Variants in CFTR observed in about 807,000 individuals in gnomAD.
CFTR encodes the protein CF transmembrane conductance regulator.
CFTR carries 181 observed loss-of-function variants against 171.6 expected under a neutral mutation model. The ratio of observed to expected loss-of-function variants is 1.05; its 90% CI spans 0.93 to 1.19. The LOEUF (loss-of-function observed/expected upper bound fraction) is 1.19. Among genes scored for constraint, CFTR ranks in the 50% most tolerant of loss-of-function variants. The pLI, the probability that CFTR is intolerant of heterozygous loss-of-function variation, is 0.00. For synonymous variants in CFTR, 583 were observed against 608.0 expected, an observed-to-expected ratio of 0.96 and a Z score of 0.60; for missense variants, 1,968 against 1,734.7, an observed-to-expected ratio of 1.13 and a Z score of -2.39.
intron 14 of CFTR, among the ~76,000 whole-genome samples, chr7:117,594,156 G>C (rs1792082486): frequency 6.6e-6 from 1 of 152,154 alleles, no homozygotes; most frequent in Non-Finnish European, 1.5e-5. Flanking sequence ...CTCCTAGGAT[G>C]TTAATGGTGG....
Position 117,592,434 on chromosome 7 carries a change from G to A in CFTR, c.2267G>A (p.Ser756Asn). The change falls in exon 14 of 27, where the codon AGC becomes AAC. Residue 756 changes from serine to asparagine, a missense_variant. Transcript: ENST00000003084. ...EAILPRISVI[S>N]TGPTLQARRR... The stretch of plus-strand genomic sequence containing the variant: ...ATACTGCCTCGCATCAGCGTGATCA[G>A]CACTGGCCCCACGCTTCAGGCACGA... 1.2e-6 allele frequency: 2 copies of A among 1,605,434 alleles called. No individual in the cohort carries two copies. Among genetic ancestry groups the A allele is most frequent in the South Asian group, 1.1e-5 (1 of 89,818 alleles).
At chr7:117,482,895 C>T (rs1162966721) in intron 1 of CFTR, among the ~76,000 whole-genome samples, 1 of 152,174 alleles carries the variant, frequency 6.6e-6, no homozygotes, top group Non-Finnish European at 1.5e-5. Flanking sequence ...ATGTCTAGGT[C>T]TATACTGAGG....
At position 117,668,548 on chromosome 7, in the gene CFTR, G is replaced by A. The variant is rs1418411597; in HGVS notation, c.*1440G>A. The A allele has an allele frequency of 6.6e-6, 1 of 152,612 alleles. No individual in the cohort carries two copies. Among genetic ancestry groups the A allele is most frequent in the Non-Finnish European group, 1.5e-5 (1 of 68,044 alleles). 9.5% of individuals were successfully genotyped at this position (152,612 alleles called of 1,614,324 possible). On this transcript the variant is annotated 3_prime_UTR_variant, in exon 27 of 27. Transcript: ENST00000003084. ...AGAAGATGGTACCACCAGTCTGACT[G>A]TTTCCATCAAGGGTACACTGCCTTC...
intron 11 of CFTR, among the ~76,000 whole-genome samples, chr7:117,585,594 T>A (rs1791917972): frequency 6.6e-6 from 1 of 152,150 alleles, no homozygotes; most frequent in Non-Finnish European, 1.5e-5. Context: ...AACCATTCTC[T>A]TCATTCTCTT....
At chr7:117,535,120 T>C (rs1276965248) in intron 5 of CFTR, 128 bp from the exon 6 acceptor site, 1 of 926,886 alleles carries the variant, frequency 1.1e-6, no homozygotes, top group South Asian at 1.3e-5. Context: ...TAGATTTTAG[T>C]GTGCTCAGAA....
chr7:117,506,433 G>T (rs1453042756), intron 2 of CFTR, among the ~76,000 whole-genome samples: 1 of 152,106 alleles, frequency 6.6e-6, no homozygotes, highest in Admixed American at 6.6e-5. Context: ...TTTAGTAGAT[G>T]TGGAGTTTCG....
At chr7:117,570,326 T>C (rs1311083772) in intron 11 of CFTR, among the ~76,000 whole-genome samples, 6 of 152,164 alleles carry the variant, frequency 3.9e-5, no homozygotes, top group Non-Finnish European at 8.8e-5. Context: ...GCATTCTAGC[T>C]ATAGAAGAGT....
chr7:117,624,891 A>T (rs978425113), intron 21 of CFTR, among the ~76,000 whole-genome samples: 1 of 152,214 alleles, frequency 6.6e-6, no homozygotes, highest in Non-Finnish European at 1.5e-5. Context: ...TGAAACTTAA[A>T]TGATCAGAAT....
chr7:117,649,270 T>C (rs1793043149), intron 23 of CFTR, among the ~76,000 whole-genome samples: 1 of 149,500 alleles, frequency 6.7e-6, no homozygotes, highest in African/African-American at 2.5e-5. Context: ...AATAGAATTA[T>C]ACATGGGATG....
chr7:117,632,559 A>G (rs1792763800), intron 22 of CFTR, among the ~76,000 whole-genome samples: 1 of 138,380 alleles, frequency 7.2e-6, no homozygotes, highest in South Asian at 2.2e-4. Context: ...CACTGTCTCA[A>G]AAAAAAAAAA....
In CFTR at chr7:117,573,894, C is replaced by T. The variant is rs577822760; in HGVS notation, c.1585-13845C>T. 2.6e-5 allele frequency among the ~76,000 whole-genome samples: 4 copies of T among 152,170 alleles called. No homozygotes were observed. In the South Asian group the frequency reaches 8.3e-4, roughly 31 times the overall value. On this transcript the variant is annotated intron_variant, in intron 11 of 26. Transcript: ENST00000003084. ...AATTCCAATGAATGATTTCCCACAA[C>T]AATTTTTGTGGATAACTCCAAGGGA...
chr7:117,546,380 CT>C (rs1799147839), intron 9 of CFTR, among the ~76,000 whole-genome samples: 1 of 152,094 alleles, frequency 6.6e-6, no homozygotes, highest in Non-Finnish European at 1.5e-5. Flanking sequence ...AACAATCCTC[CT>C]GCCTCGGACA....
chr7:117,528,039 A>C (rs916776059), intron 3 of CFTR, among the ~76,000 whole-genome samples: 5 of 134,558 alleles, frequency 3.7e-5, no homozygotes, highest in African/African-American at 1.4e-4. Context: ...GGAACCAAAA[A>C]AGAGCCCGCA....
intron 23 of CFTR, among the ~76,000 whole-genome samples, chr7:117,645,521 CCAAGCCCTGTTGTTGCTACT>C (rs1792984811): frequency 6.6e-6 from 1 of 152,292 alleles, no homozygotes; most frequent in Non-Finnish European, 1.5e-5. Context: ...AGGCCAGCTC[CCAAGCCCTGTTGTTGCTACT>C]CCCCCACATC....
At chr7:117,507,091 T>C (rs546828378) in intron 2 of CFTR, among the ~76,000 whole-genome samples, 28 of 152,332 alleles carry the variant, frequency 1.8e-4, no homozygotes, top group African/African-American at 6.0e-4. Context: ...CGTTCCAAGA[T>C]TGTAGTCAGG....
Position 117,642,593 on chromosome 7 carries a change from G to A in CFTR, c.3873G>A (p.Gln1291=). The A allele has an allele frequency of 6.2e-7, 1 of 1,613,228 alleles. No individual in the cohort carries two copies. Among genetic ancestry groups the A allele is most frequent in the African/African-American group, 1.3e-5 (1 of 74,992 alleles). Residue 1291 remains glutamine, a splice_region_variant and synonymous_variant, in exon 23 of 27, where the codon CAG becomes CAA. Coordinates refer to ENST00000003084, the MANE Select transcript of CFTR (RefSeq NM_000492.4). ...QWRKAFGVIP[Q]KVFIFSGTFR... ...GGAAAGCCTTTGGAGTGATACCACA[G>A]GTGAGCAAAAGGACTTAGCCAGAAA...
At chr7:117,612,263 A>T (rs1792420357) in intron 20 of CFTR, among the ~76,000 whole-genome samples, 1 of 150,566 alleles carries the variant, frequency 6.6e-6, no homozygotes, top group Non-Finnish European at 1.5e-5. Context: ...ACACACACAG[A>T]GTTCCTCTTG....
At position 117,667,241 on chromosome 7, in the gene CFTR, T is replaced by A. The variant is rs4148726; in HGVS notation, c.*133T>A. 7.7e-4 allele frequency: 566 copies of A among 739,562 alleles called. 1 individual carries two copies. The highest frequency in any genetic ancestry group is 1.7e-3 in the African/African-American group (80 of 46,412). The allele number at this position is 739,562 out of a possible 1,614,324, so 45.8% of individuals were successfully genotyped here. ...AACAAGGATGAATTAAGTTTTTTTTTAAAAAAGAAACATTTGGTAAGGGGA... is the reference window on the plus strand; with the variant it reads ...AACAAGGATGAATTAAGTTTTTTTTAAAAAAAGAAACATTTGGTAAGGGGA... On this transcript the variant is annotated 3_prime_UTR_variant, in exon 27 of 27. Coordinates refer to ENST00000003084, the MANE Select transcript of CFTR (RefSeq NM_000492.4).
intron 24 of CFTR, among the ~76,000 whole-genome samples, chr7:117,659,092 T>C (rs1300336821): frequency 2.0e-5 from 3 of 152,330 alleles, no homozygotes; most frequent in East Asian, 3.9e-4. Context: ...CTAAAGCACA[T>C]GTGCTTTCTG....
Sources: gnomAD v4.1 joint callset for allele counts (sites outside exome capture counted in the v4.1 genomes callset) on GRCh38, gnomAD v4.1.1 for gene constraint, MANE v1.5 for transcripts, NCBI Gene and HGNC (gene_info 2026-07-23, HGNC 2026-07-21) for gene names.